The following LPCAT1 variants were observed in gnomAD, a reference collection of about 807,000 sequenced individuals.
LPCAT1 encodes 1-acylglycerol-3-phosphate O-acyltransferase.
LPCAT1 carries 23 observed loss-of-function variants against 60.9 expected under a neutral mutation model. The ratio of observed to expected loss-of-function variants is 0.38; its 90% confidence interval spans 0.27 to 0.53. The LOEUF is 0.53. Ranked by LOEUF, LPCAT1 falls within the 20% of genes least tolerant of loss-of-function variation. LPCAT1 has a pLI of 0.82. For synonymous variants in LPCAT1, 340 were observed against 301.1 expected (o/e 1.13, Z -1.34); for missense variants, 622 against 723.6 (o/e 0.86, Z 1.61).
rs150379869 is a variant in LPCAT1, at chr5:1,492,759, G to A, written c.493+1941C>T. 2.0e-3 allele frequency among the ~76,000 whole-genome samples: 308 copies of A among 152,282 alleles called. 2 individuals carry two copies. The highest frequency in any genetic ancestry group is 3.0e-3 in the Non-Finnish European group (207 of 68,022). The stretch of plus-strand genomic sequence containing the variant: ...TAGGACTACAACGTCCAGCATCACC[G>A]CACCAAACACTCCTTCGTGTTGGTG... On this transcript the variant is annotated intron_variant, in intron 3 of 13. Coordinates refer to ENST00000283415, the MANE Select transcript of LPCAT1 (RefSeq NM_024830.5).
intron 2 of LPCAT1, among the ~76,000 whole-genome samples, chr5:1,498,146 C>T (rs1304782498): frequency 1.3e-5 from 2 of 152,214 alleles, no homozygotes; most frequent in Non-Finnish European, 2.9e-5. Flanking sequence ...CAGAGCAGTG[C>T]ATAACGTGAG....
rs981955649 is a variant in LPCAT1 at position 1,483,539 on chromosome 5, T to G, written c.668-53A>C. 1 of 1,575,968 alleles carries G rather than the reference T, an allele frequency of 6.3e-7. No homozygotes were observed. Among genetic ancestry groups the G allele is most frequent in the Non-Finnish European group, 8.7e-7 (1 of 1,148,430 alleles). On this transcript the variant is annotated intron_variant, in intron 5 of 13. Coordinates refer to ENST00000283415, the MANE Select transcript of LPCAT1 (RefSeq NM_024830.5). The surrounding 1 kb of genome is among the most constrained non-coding windows in gnomAD (Gnocchi z 9.2). ...CCATGGCAGCCCACGCAGGACAGCGTCTGCTGCGTTTCTCATGCTGCCCTT... is the reference window on the plus strand; with the variant it reads ...CCATGGCAGCCCACGCAGGACAGCGGCTGCTGCGTTTCTCATGCTGCCCTT...
In LPCAT1 at chr5:1,499,993, G is replaced by A. The variant is rs566673445; in HGVS notation, c.278+1468C>T. Among the ~76,000 whole-genome samples, 4 of 152,378 alleles carry A rather than the reference G, an allele frequency of 2.6e-5. No homozygotes were observed. In the East Asian group the frequency reaches 7.7e-4, roughly 29 times the overall value. ...CATTACACCTTTCGGAGGCCAGGCA[G>A]TGAATGCTTTAGGCTCTACAGCCAC... On this transcript the variant is annotated intron_variant, in intron 2 of 13. Transcript: ENST00000283415.
At chr5:1,489,686 G>T (rs1453246934) in intron 4 of LPCAT1, 60 bp downstream of exon 4, 1 of 1,253,710 alleles carries the variant, frequency 8.0e-7, no homozygotes. Flanking sequence ...CTCCCCACTC[G>T]CGAAGTTCGC....
chr5:1,497,605 C>T (rs1012380968), intron 2 of LPCAT1, among the ~76,000 whole-genome samples: 1 of 152,190 alleles, frequency 6.6e-6, no homozygotes, highest in Non-Finnish European at 1.5e-5. Flanking sequence ...GGGTCAGGGA[C>T]GGCCCCTGGG....
intron 12 of LPCAT1, among the ~76,000 whole-genome samples, chr5:1,468,915 T>C (rs1734552786): frequency 6.6e-6 from 1 of 152,182 alleles, no homozygotes; most frequent in South Asian, 2.1e-4. Flanking sequence ...CCCTTCCTGC[T>C]ACATGCAGTC....
chr5:1,471,745 G>A (rs1734675904), intron 11 of LPCAT1, among the ~76,000 whole-genome samples: 1 of 151,884 alleles, frequency 6.6e-6, no homozygotes, highest in African/African-American at 2.4e-5. Flanking sequence ...GAGAACAAGA[G>A]AAGGTGGGGA....
intron 1 of LPCAT1, among the ~76,000 whole-genome samples, chr5:1,519,764 C>A (rs1213094751): frequency 6.6e-6 from 1 of 152,250 alleles, no homozygotes; most frequent in Non-Finnish European, 1.5e-5. Flanking sequence ...ACCATCACAC[C>A]CAGGTCATCA....
At chr5:1,465,314 AC>A (rs1734324647) in intron 13 of LPCAT1, among the ~76,000 whole-genome samples, 2 of 146,266 alleles carry the variant, frequency 1.4e-5, no homozygotes, top group African/African-American at 5.1e-5. Context: ...GCGCGCACAC[AC>A]AAAACAAGCG....
intron 13 of LPCAT1, among the ~76,000 whole-genome samples, chr5:1,464,316 C>T (rs553315614): frequency 6.6e-6 from 1 of 152,136 alleles, no homozygotes; most frequent in Non-Finnish European, 1.5e-5. Flanking sequence ...CTCATGTGAG[C>T]GCCCTCGGCT....
At chr5:1,499,896 C>T (rs1285320089) in intron 2 of LPCAT1, among the ~76,000 whole-genome samples, 7 of 152,248 alleles carry the variant, frequency 4.6e-5, no homozygotes, top group East Asian at 1.9e-4. Flanking sequence ...GCCTCTTGGC[C>T]GTGAAAACTT....
chr5:1,521,275 TG>T lies in LPCAT1; in HGVS notation c.135+2434del. The T allele has an allele frequency of 1.0e-6, 1 of 953,714 alleles. No individual in the cohort carries two copies. The allele number at this position is 953,714 out of a possible 1,614,324, so 59.1% of individuals were successfully genotyped here. A position where few individuals can be genotyped will look rare whatever the true frequency, so the allele number is the denominator to read the frequency against. On this transcript the variant is annotated intron_variant, in intron 1 of 13. Coordinates refer to ENST00000283415, the MANE Select transcript of LPCAT1 (RefSeq NM_024830.5). This position sits in a 1 kb window ranked among gnomAD's most constrained non-coding sequence, Gnocchi z 4.3. ...GGCTGGAGGAGGAGGTGTCCCCGCA[TG>T]GCGCTAATCCGAAGACACACAGCAG...
rs953697082 is a variant in LPCAT1, at chr5:1,462,051, T to G, written c.*1600A>C. The G allele has an allele frequency of 6.6e-6, 1 of 152,428 alleles. No individual in the cohort carries two copies. The highest frequency in any genetic ancestry group is 2.4e-5 in the African/African-American group (1 of 41,440). The allele number at this position is 152,428 out of a possible 1,614,324, so 9.4% of individuals were successfully genotyped here. The stretch of plus-strand genomic sequence containing the variant: ...ATGCTAAAAAACAAGTCGAGGTGAT[T>G]GATTGAAACGGAGCTGAAGGTTGTT... On this transcript the variant is annotated 3_prime_UTR_variant, in exon 14 of 14. Transcript: ENST00000283415.
chr5:1,516,444 T>G (rs1447215174), intron 1 of LPCAT1, among the ~76,000 whole-genome samples: 1 of 152,104 alleles, frequency 6.6e-6, no homozygotes, highest in Non-Finnish European at 1.5e-5. Flanking sequence ...GACTCCACTC[T>G]AAGGAGCCCA....
intron 1 of LPCAT1, among the ~76,000 whole-genome samples, chr5:1,519,600 A>C (rs1370779988): frequency 6.6e-6 from 1 of 152,206 alleles, no homozygotes; most frequent in African/African-American, 2.4e-5. Flanking sequence ...ATCCATGCTA[A>C]GCCAGCCCAC....
At chr5:1,470,714 G>A in intron 12 of LPCAT1, 112 bp downstream of exon 12, 1 of 741,592 alleles carries the variant, frequency 1.3e-6, no homozygotes, top group Non-Finnish European at 2.1e-6. Context: ...AATAGCAGTT[G>A]GGCAAATGAT....
chr5:1,485,905 C>T (rs1735355109), intron 5 of LPCAT1, among the ~76,000 whole-genome samples: 1 of 152,254 alleles, frequency 6.6e-6, no homozygotes, highest in Non-Finnish European at 1.5e-5. Flanking sequence ...CCAACAGCCA[C>T]ATTTGGTAGG....
intron 5 of LPCAT1, among the ~76,000 whole-genome samples, chr5:1,485,898 A>G (rs1261072437): frequency 6.6e-6 from 1 of 152,212 alleles, no homozygotes; most frequent in Non-Finnish European, 1.5e-5. Flanking sequence ...TCCACTTCCA[A>G]CAGCCACATT....
chr5:1,493,518 C>CG, intron 3 of LPCAT1, among the ~76,000 whole-genome samples: 1 of 152,390 alleles, frequency 6.6e-6, no homozygotes, highest in Non-Finnish European at 1.5e-5. Context: ...GTGAGGGCCC[C>CG]GGCCATAGGC....
Sources: allele counts gnomAD v4.1 joint callset (sites outside exome capture counted in the v4.1 genomes callset), GRCh38; gene constraint gnomAD v4.1.1; non-coding constraint Gnocchi (gnomAD v3.1); transcripts MANE v1.5; gene names NCBI Gene and HGNC (gene_info 2026-07-23, HGNC 2026-07-21).